The following ZNF536 variants were observed in gnomAD, a reference collection of about 807,000 sequenced individuals.
ZNF536 encodes zinc finger protein 536.
Under a neutral mutation model 84.5 loss-of-function variants are expected in ZNF536, and 13 were observed. The observed-to-expected ratio is 0.15, with a 90% CI of 0.10 to 0.24. The LOEUF is 0.24. ZNF536 is among the 10% of genes least tolerant of loss of function. ZNF536 has a pLI of 1.00. For synonymous variants in ZNF536, 811 were observed against 742.5 expected (o/e 1.09, Z -1.50); for missense variants, 1,536 against 1,747.5 (o/e 0.88, Z 2.16).
At position 30,353,445 on chromosome 19, in the gene ZNF536, A is replaced by T. The variant is rs964144062; in HGVS notation, c.-3+961A>T. Reference sequence around the variant, plus strand: ...CACACTGTGGTGAGTGTTTTCCGTCAGTTTCTTGGTGGGTGTATTTCGTGT... The same window carrying T: ...CACACTGTGGTGAGTGTTTTCCGTCTGTTTCTTGGTGGGTGTATTTCGTGT... On this transcript the variant is annotated intron_variant, in intron 3 of 5. Coordinates refer to the ZNF536 transcript ENST00000585628. Among the ~76,000 whole-genome samples, 2 of 151,500 alleles carry T rather than the reference A, an allele frequency of 1.3e-5. 1 individual carries two copies. The highest frequency in any genetic ancestry group is 2.9e-5 in the Non-Finnish European group (2 of 67,860).
chr19:30,375,342 C>A (rs1410375368), intron 1 of ZNF536, among the ~76,000 whole-genome samples: 2 of 151,910 alleles, frequency 1.3e-5, no homozygotes, highest in Admixed American at 6.6e-5. Flanking sequence ...TTAGAGGCGC[C>A]GTCACCGCGC....
intron 1 of ZNF536, among the ~76,000 whole-genome samples, chr19:30,575,124 C>CCATTCATTCATT (rs370451298): frequency 2.0e-5 from 3 of 152,048 alleles, no homozygotes; most frequent in Non-Finnish European, 2.9e-5. Context: ...CAGAATTTAT[C>CCATTCATTCATT]CATTCATTCA....
chr19:30,375,267 C>G (rs1369626625), intron 1 of ZNF536, among the ~76,000 whole-genome samples: 1 of 149,764 alleles, frequency 6.7e-6, no homozygotes, highest in Non-Finnish European at 1.5e-5. Flanking sequence ...CCAGCCGGCC[C>G]TGCCCGCGCC....
chr19:30,520,767 G>T (rs185802279), intron 2 of ZNF536, among the ~76,000 whole-genome samples: 1 of 152,220 alleles, frequency 6.6e-6, no homozygotes, highest in African/African-American at 2.4e-5. Flanking sequence ...TCATACTTTA[G>T]ACCTTGTAGA....
At chr19:30,281,514 G>GGTATCT (rs1713960324) in intron 1 of ZNF536, among the ~76,000 whole-genome samples, 1 of 151,584 alleles carries the variant, frequency 6.6e-6, no homozygotes. Flanking sequence ...CACGATGGGT[G>GGTATCT]GTATCTGATG....
chr19:30,646,627 C>T (rs575302197), intron 1 of ZNF536, among the ~76,000 whole-genome samples: 1 of 152,338 alleles, frequency 6.6e-6, no homozygotes, highest in East Asian at 1.9e-4. Context: ...TAGACATTTT[C>T]TCCACCTTTA....
chr19:30,537,776 A>T (rs1322855773), intron 3 of ZNF536, among the ~76,000 whole-genome samples: 1 of 152,212 alleles, frequency 6.6e-6, no homozygotes, highest in African/African-American at 2.4e-5. Context: ...ATTGAGAGAG[A>T]CAACATAGGG....
intron 1 of ZNF536, among the ~76,000 whole-genome samples, chr19:30,258,821 G>T (rs1041218761): frequency 1.3e-5 from 2 of 151,806 alleles, no homozygotes; most frequent in African/African-American, 4.8e-5. Context: ...AGGTTCAAGC[G>T]ATTCTCCTGC....
chr19:30,563,055 T>C (rs1014006652), downstream of ZNF536, among the ~76,000 whole-genome samples: 4 of 152,094 alleles, frequency 2.6e-5, no homozygotes, highest in Non-Finnish European at 5.9e-5. Context: ...AACTTGGAGG[T>C]TGTCGAGTCA....
rs868837523 is a variant in ZNF536 at position 30,493,091 on chromosome 19, T to C, written c.2171-41756T>C. 4.2e-3 allele frequency among the ~76,000 whole-genome samples: 445 copies of C among 105,880 alleles called. 2 individuals are homozygous for C. The highest frequency in any genetic ancestry group is 0.017 in the African/African-American group (414 of 24,208). The allele number at this position is 105,880 out of a possible 152,430, so 69.5% of individuals were successfully genotyped here. On this transcript the variant is annotated intron_variant, in intron 2 of 4. Coordinates refer to ENST00000355537, the MANE Select transcript of ZNF536 (RefSeq NM_014717.3). ...TATCTCTCTTGCAATATTACTCACT[T>C]TTTTTTTTTTTTTTTTTTTTTTTTT...
chr19:30,604,567 T>C (rs1381795040), intron 1 of ZNF536, among the ~76,000 whole-genome samples: 1 of 152,214 alleles, frequency 6.6e-6, no homozygotes, highest in Non-Finnish European at 1.5e-5. Flanking sequence ...GATAACTGGT[T>C]TTTTTCTTTA....
chr19:30,284,301 G>A (rs973014556), intron 2 of ZNF536, among the ~76,000 whole-genome samples: 1 of 152,220 alleles, frequency 6.6e-6, no homozygotes, highest in Non-Finnish European at 1.5e-5. Context: ...ATATCTTGTG[G>A]GCGGGGTGAA....
intron 1 of ZNF536, among the ~76,000 whole-genome samples, chr19:30,233,066 G>A (rs1434619677): frequency 6.6e-6 from 1 of 152,204 alleles, no homozygotes; most frequent in Non-Finnish European, 1.5e-5. Flanking sequence ...GTAAGTCCAG[G>A]GGGTTGGACT....
intron 1 of ZNF536, among the ~76,000 whole-genome samples, chr19:30,594,953 G>T (rs944299038): frequency 1.3e-5 from 2 of 152,104 alleles, no homozygotes; most frequent in Admixed American, 1.3e-4. Context: ...TGTGTGCTCA[G>T]TGCTGCCCTG....
intron 1 of ZNF536, among the ~76,000 whole-genome samples, chr19:30,397,767 T>C (rs1352345849): frequency 6.6e-6 from 1 of 152,188 alleles, no homozygotes; most frequent in African/African-American, 2.4e-5. Flanking sequence ...TATTAGAGCT[T>C]GGACAAGGGG....
At chr19:30,473,500 C>T (rs2053725203) in intron 2 of ZNF536, among the ~76,000 whole-genome samples, 1 of 152,162 alleles carries the variant, frequency 6.6e-6, no homozygotes, top group South Asian at 2.1e-4. Flanking sequence ...AAATCTTAGG[C>T]TTCTGTCCAC....
chr19:30,685,829 G>A (rs568908250), intron 1 of ZNF536, among the ~76,000 whole-genome samples: 7 of 152,316 alleles, frequency 4.6e-5, no homozygotes, highest in African/African-American at 7.2e-5. Flanking sequence ...GTCCTGCCAC[G>A]TTGCTGAGAT....
intron 1 of ZNF536, among the ~76,000 whole-genome samples, chr19:30,239,513 T>C (rs549086372): frequency 6.6e-6 from 1 of 152,308 alleles, no homozygotes; most frequent in Admixed American, 6.5e-5. Context: ...GACATGGCGG[T>C]TGGAGAATCG....
chr19:30,626,445 A>C (rs1482421176), intron 1 of ZNF536, among the ~76,000 whole-genome samples: 1 of 151,726 alleles, frequency 6.6e-6, no homozygotes, highest in Non-Finnish European at 1.5e-5. Flanking sequence ...ATTGATTTTC[A>C]TGGGGATACA....
Sources: gnomAD v4.1 joint callset for allele counts (sites outside exome capture counted in the v4.1 genomes callset) on GRCh38, gnomAD v4.1.1 for gene constraint, MANE v1.5 for transcripts, NCBI Gene and HGNC (gene_info 2026-07-23, HGNC 2026-07-21) for gene names.